The following PRIM2 variants were observed in gnomAD, a reference collection of about 807,000 sequenced individuals.
PRIM2 encodes DNA primase subunit 2.
PRIM2 carries 39 observed loss-of-function variants against 67.3 expected under a neutral mutation model. The ratio of observed to expected loss-of-function variants is 0.58; its 90% CI spans 0.45 to 0.76. The LOEUF (loss-of-function observed/expected upper bound fraction) is 0.76. PRIM2 is among the 30% of genes least tolerant of loss of function. The pLI, the probability that PRIM2 is intolerant of heterozygous loss-of-function variation, is 0.00. For missense variants in PRIM2, 398 were observed against 598.7 expected (o/e 0.66, Z 3.50); for synonymous variants, 143 against 198.7 (o/e 0.72, Z 2.36).
At chr6:57,512,602 CT>C (rs1254429366) in intron 8 of PRIM2, among the ~76,000 whole-genome samples, 4,920 of 150,572 alleles carry the variant, frequency 0.033, 267 homozygotes, top group African/African-American at 0.11. Context: ...TTTTTCTTTT[CT>C]TTTTTTTTGA....
chr6:57,248,717 G>C, the PRIM2 span, among the ~76,000 whole-genome samples: 1 of 152,186 alleles, frequency 6.6e-6, no homozygotes, highest in African/African-American at 2.4e-5. Context: ...GGACCAGTCA[G>C]AGGTAGTTTC....
rs539500530 is a variant in PRIM2, at chr6:57,403,328, C to T, written c.693+21160C>T. 2.7e-5 allele frequency among the ~76,000 whole-genome samples: 4 copies of T among 149,398 alleles called. No individual in the cohort carries two copies. In the East Asian group the frequency reaches 5.9e-4, roughly 22 times the overall value. On this transcript the variant is annotated intron_variant, in intron 7 of 13. Coordinates refer to ENST00000615550, the MANE Select transcript of PRIM2 (RefSeq NM_000947.5). ...CTGGAGTGCAGTGGCGCGAACTCGG[C>T]TCACTGCAAGCTCTGCCTCCCGGGT...
At chr6:57,444,411 A>G (rs1454317115) in intron 7 of PRIM2, among the ~76,000 whole-genome samples, 2 of 152,128 alleles carry the variant, frequency 1.3e-5, no homozygotes, top group Admixed American at 1.3e-4. Context: ...TACTAAAAAT[A>G]TAAAAATTAG....
At chr6:57,535,636 G>A (rs1290018735) in intron 9 of PRIM2, among the ~76,000 whole-genome samples, 1 of 152,162 alleles carries the variant, frequency 6.6e-6, no homozygotes, top group Non-Finnish European at 1.5e-5. Flanking sequence ...AGGCCAAGGT[G>A]GGAGGATCAC....
chr6:57,406,431 T>A (rs1460153634), intron 7 of PRIM2, among the ~76,000 whole-genome samples: 1 of 152,116 alleles, frequency 6.6e-6, no homozygotes, highest in African/African-American at 2.4e-5. Context: ...GCATTGAGAG[T>A]CTTGTGTCTC....
the PRIM2 span, among the ~76,000 whole-genome samples, chr6:57,249,398 G>T: frequency 6.6e-6 from 1 of 152,114 alleles, no homozygotes; most frequent in Non-Finnish European, 1.5e-5. Context: ...AGTCTGAGTA[G>T]GGCCAAGTTT....
chr6:57,277,135 G>T, the PRIM2 span, among the ~76,000 whole-genome samples: 5 of 152,288 alleles, frequency 3.3e-5, no homozygotes, highest in South Asian at 1.0e-3. Flanking sequence ...AAGAGGGAAT[G>T]CTGAGAGGCA....
intron 7 of PRIM2, among the ~76,000 whole-genome samples, chr6:57,391,747 G>A (rs1456090743): frequency 3.3e-5 from 5 of 152,080 alleles, no homozygotes; most frequent in Non-Finnish European, 7.4e-5. Context: ...CCTGTACCAT[G>A]CTGTTTTGGT....
At chr6:57,222,300 C>G in the PRIM2 span, 12 of 152,384 alleles carry the variant, frequency 7.9e-5, no homozygotes, top group East Asian at 1.7e-3. Context: ...CGCCGCGCTG[C>G]GGAGCATGCG....
At chr6:57,518,214 A>T (rs1774526708) in intron 8 of PRIM2, among the ~76,000 whole-genome samples, 1 of 152,236 alleles carries the variant, frequency 6.6e-6, no homozygotes, top group Non-Finnish European at 1.5e-5. Flanking sequence ...TACTGCATAC[A>T]TACAATCTAC....
chr6:57,454,485 A>G (rs1772684581), intron 7 of PRIM2, among the ~76,000 whole-genome samples: 1 of 152,192 alleles, frequency 6.6e-6, no homozygotes, highest in Non-Finnish European at 1.5e-5. Context: ...TGGTCTATTC[A>G]GAGATTCAAC....
At chr6:57,378,086 T>G (rs9464456) in intron 5 of PRIM2, among the ~76,000 whole-genome samples, 13,559 of 150,434 alleles carry the variant, frequency 0.09, 1,416 homozygotes, top group African/African-American at 0.26. Flanking sequence ...TTTTTGATAA[T>G]GGTTTGCTGT....
chr6:57,365,031 C>G (rs1769313204), intron 5 of PRIM2, among the ~76,000 whole-genome samples: 1 of 152,048 alleles, frequency 6.6e-6, no homozygotes, highest in Non-Finnish European at 1.5e-5. Context: ...TTCCCCTCTC[C>G]CCTTAACATA....
At chr6:57,494,572 C>T (rs1412711277) in intron 7 of PRIM2, among the ~76,000 whole-genome samples, 3 of 152,034 alleles carry the variant, frequency 2.0e-5, no homozygotes, top group Non-Finnish European at 4.4e-5. Flanking sequence ...ACATTAAATT[C>T]AGGGGTTTCT....
At chr6:57,350,938 C>T (rs6459196) in intron 5 of PRIM2, among the ~76,000 whole-genome samples, 1 of 151,456 alleles carries the variant, frequency 6.6e-6, no homozygotes, top group African/African-American at 2.4e-5. Flanking sequence ...TACTAAAAAG[C>T]AGTTTGTCAT....
At chr6:57,421,876 AAAGTC>A (rs1236650643) in intron 7 of PRIM2, among the ~76,000 whole-genome samples, 1 of 152,204 alleles carries the variant, frequency 6.6e-6, no homozygotes, top group African/African-American at 2.4e-5. Context: ...GCTGAAAATC[AAAGTC>A]TGTGCTCCTT....
At chr6:57,281,971 A>T in the PRIM2 span, among the ~76,000 whole-genome samples, 1 of 152,308 alleles carries the variant, frequency 6.6e-6, no homozygotes, top group South Asian at 2.1e-4. Context: ...TCCTGGGTTG[A>T]ATCACTTGGT....
At chr6:57,316,192 C>T (rs888345069), upstream of PRIM2, among the ~76,000 whole-genome samples, 3 of 152,112 alleles carry the variant, frequency 2.0e-5, no homozygotes, top group South Asian at 2.1e-4. Flanking sequence ...TTTGGGAGGC[C>T]GAGGTGGGCG....
At chr6:57,382,196 T>A in intron 7 of PRIM2, 28 bp downstream of exon 7, 1 of 1,608,098 alleles carries the variant, frequency 6.2e-7, no homozygotes. Flanking sequence ...TTTCTGTATC[T>A]GACATGTTCA....
Sources: allele counts gnomAD v4.1 joint callset (sites outside exome capture counted in the v4.1 genomes callset), GRCh38; gene constraint gnomAD v4.1.1; transcripts MANE v1.5; gene names NCBI Gene and HGNC (gene_info 2026-07-23, HGNC 2026-07-21).